Variants in PIP4K2A observed in about 807,000 individuals in gnomAD.
PIP4K2A encodes the protein phosphatidylinositol 5-phosphate 4-kinase type-2 alpha.
Under a neutral mutation model 42.9 loss-of-function variants are expected in PIP4K2A, and 14 were observed. That is an observed-to-expected ratio of 0.33 (90% CI 0.22 to 0.51). The LOEUF (loss-of-function observed/expected upper bound fraction) is 0.51. PIP4K2A is among the 20% of genes least tolerant of loss of function. The pLI is 0.97. For synonymous variants in PIP4K2A, 192 were observed against 192.2 expected (o/e 1.00, Z 0.01); for missense variants, 434 against 519.8 (o/e 0.83, Z 1.61).
chr10:22,599,282 A>C (rs2130833341), intron 3 of PIP4K2A, among the ~76,000 whole-genome samples: 1 of 152,356 alleles, frequency 6.6e-6, no homozygotes, highest in African/African-American at 2.4e-5. Context: ...ATGACTCCAA[A>C]AAGAAACCTG....
At chr10:22,546,286 T>C (rs1345930743) in intron 7 of PIP4K2A, among the ~76,000 whole-genome samples, 2 of 152,238 alleles carry the variant, frequency 1.3e-5, no homozygotes, top group Non-Finnish European at 2.9e-5. Context: ...TAACTGGCAA[T>C]GTTTTGATTA....
chr10:22,636,132 G>T (rs1410976872), intron 1 of PIP4K2A, among the ~76,000 whole-genome samples: 1 of 152,204 alleles, frequency 6.6e-6, no homozygotes, highest in Admixed American at 6.5e-5. Context: ...CTCCACAATG[G>T]AGTCTTGAAA....
chr10:22,554,788 G>C (rs1020070401), intron 6 of PIP4K2A, among the ~76,000 whole-genome samples: 2 of 152,200 alleles, frequency 1.3e-5, no homozygotes, highest in Admixed American at 6.5e-5. Flanking sequence ...GTATGGGAGG[G>C]AACTGCTCTT....
At chr10:22,611,511 C>T (rs1838038510) in intron 1 of PIP4K2A, among the ~76,000 whole-genome samples, 1 of 151,142 alleles carries the variant, frequency 6.6e-6, no homozygotes, top group African/African-American at 2.4e-5. Context: ...CTAAAGAAGG[C>T]CAAATGCAAA....
At chr10:22,710,692 C>T (rs1486022884) in intron 1 of PIP4K2A, among the ~76,000 whole-genome samples, 3 of 152,178 alleles carry the variant, frequency 2.0e-5, no homozygotes, top group African/African-American at 7.2e-5. Context: ...GCCCCCCAAA[C>T]CCCTCAATAC....
rs1219867986 is a variant in PIP4K2A at position 22,536,507 on chromosome 10, A to G, written c.*694T>C. On this transcript the variant is annotated 3_prime_UTR_variant, in exon 10 of 10. Coordinates refer to ENST00000376573, the MANE Select transcript of PIP4K2A (RefSeq NM_005028.5). ...AGGGGGTCCTGACAAGGCTGGGGCCAGAACCCTGAACCAGTACACACGGAG... is the reference window on the plus strand; with the variant it reads ...AGGGGGTCCTGACAAGGCTGGGGCCGGAACCCTGAACCAGTACACACGGAG... 5.7e-6 allele frequency: 1 copy of G among 176,760 alleles called. No homozygotes were observed. Among genetic ancestry groups the G allele is most frequent in the Non-Finnish European group, 1.2e-5 (1 of 84,684 alleles). 10.9% of individuals were successfully genotyped at this position (176,760 alleles called of 1,614,324 possible).
chr10:22,560,851 C>G (rs925862640), intron 6 of PIP4K2A, among the ~76,000 whole-genome samples: 3 of 152,322 alleles, frequency 2.0e-5, no homozygotes, highest in Admixed American at 2.0e-4. Context: ...CTCTCTCTCT[C>G]AAGAACATGG....
At chr10:22,592,284 C>T (rs892838284) in intron 3 of PIP4K2A, among the ~76,000 whole-genome samples, 2 of 152,136 alleles carry the variant, frequency 1.3e-5, no homozygotes, top group African/African-American at 4.8e-5. Flanking sequence ...ATAAGAGAGG[C>T]TTAGTATCTG....
rs139298760 is a variant in PIP4K2A at position 22,710,355 on chromosome 10, G to A, written c.144+3828C>T. The stretch of plus-strand genomic sequence containing the variant: ...CTCTGGGGACTGTTCTTTCCCCAAC[G>A]CCAACAGGCAAGCGCTGCCATGTTT... On this transcript the variant is annotated intron_variant, in intron 1 of 9. Transcript: ENST00000376573. Among the ~76,000 whole-genome samples, 411 of 152,270 alleles carry A rather than the reference G, an allele frequency of 2.7e-3. 1 individual carries two copies. The highest frequency in any genetic ancestry group is 6.8e-3 in the Middle Eastern group (2 of 294).
At chr10:22,651,004 G>C (rs866644460) in intron 1 of PIP4K2A, among the ~76,000 whole-genome samples, 3 of 152,122 alleles carry the variant, frequency 2.0e-5, no homozygotes, top group Non-Finnish European at 4.4e-5. Flanking sequence ...CAGATTTGTA[G>C]CTCTAGCTCC....
intron 1 of PIP4K2A, among the ~76,000 whole-genome samples, chr10:22,648,690 G>A (rs1838933760): frequency 6.6e-6 from 1 of 152,062 alleles, no homozygotes; most frequent in Non-Finnish European, 1.5e-5. Context: ...TGGCTCTTGT[G>A]GTCTGAAACA....
chr10:22,652,264 A>G (rs1026747536), intron 1 of PIP4K2A, among the ~76,000 whole-genome samples: 1 of 152,020 alleles, frequency 6.6e-6, no homozygotes, highest in Non-Finnish European at 1.5e-5. Context: ...CTGGGACTAC[A>G]GGTGCGCACC....
At chr10:22,584,652 C>T (rs1304554464) in intron 4 of PIP4K2A, among the ~76,000 whole-genome samples, 2 of 152,112 alleles carry the variant, frequency 1.3e-5, no homozygotes, top group Non-Finnish European at 2.9e-5. Flanking sequence ...CTACAAATGA[C>T]GCCATCGGCA....
chr10:22,657,095 C>T (rs1039928882), intron 1 of PIP4K2A, among the ~76,000 whole-genome samples: 1 of 152,176 alleles, frequency 6.6e-6, no homozygotes, highest in Non-Finnish European at 1.5e-5. Context: ...TTTTATTTTG[C>T]TTTATATCTG....
At chr10:22,604,890 T>C (rs1414917295) in intron 3 of PIP4K2A, among the ~76,000 whole-genome samples, 1 of 152,224 alleles carries the variant, frequency 6.6e-6, no homozygotes, top group East Asian at 1.9e-4. Flanking sequence ...GCCAGGCAGC[T>C]GAAGCCCCAG....
chr10:22,540,222 A>G (rs1836068863), intron 8 of PIP4K2A, 148 bp from the exon 9 acceptor site: 2 of 631,564 alleles, frequency 3.2e-6, no homozygotes, highest in East Asian at 2.7e-5. Flanking sequence ...CAAACTCTAC[A>G]CCACCCCTGC....
At chr10:22,681,148 G>C (rs542635054) in intron 1 of PIP4K2A, among the ~76,000 whole-genome samples, 1 of 152,262 alleles carries the variant, frequency 6.6e-6, no homozygotes, top group South Asian at 2.1e-4. Flanking sequence ...ATCGTTCTCA[G>C]CATAAAAGTG....
intron 1 of PIP4K2A, among the ~76,000 whole-genome samples, chr10:22,617,201 A>G (rs925163576): frequency 1.3e-5 from 2 of 152,134 alleles, no homozygotes; most frequent in Non-Finnish European, 2.9e-5. Context: ...AATGAGTATC[A>G]CTCCTGCAGA....
chr10:22,712,653 T>C (rs549053410), intron 1 of PIP4K2A, among the ~76,000 whole-genome samples: 15 of 152,286 alleles, frequency 9.8e-5, no homozygotes, highest in Non-Finnish European at 2.1e-4. Context: ...AGAGAGGAGT[T>C]TTTGGTGCAG....
Sources: allele counts gnomAD v4.1 joint callset (sites outside exome capture counted in the v4.1 genomes callset), GRCh38; gene constraint gnomAD v4.1.1; transcripts MANE v1.5; gene names NCBI Gene and HGNC (gene_info 2026-07-23, HGNC 2026-07-21).